DESI2: variants seen among roughly 807,000 people sequenced by gnomAD.
DESI2 encodes desumoylating isopeptidase 2.
A neutral mutation model predicts 24.1 loss-of-function variants in DESI2; 10 were observed. The observed-to-expected ratio is 0.41, with a 90% CI of 0.26 to 0.70. The LOEUF (loss-of-function observed/expected upper bound fraction) is 0.70, where lower values mean the gene tolerates loss of function less well. Among genes scored for constraint, DESI2 ranks in the 30% least tolerant of loss-of-function variants. The pLI is 0.29. For missense variants in DESI2, 122 were observed against 234.9 expected (o/e 0.52, Z 3.14); for synonymous variants, 71 against 87.7 (o/e 0.81, Z 1.06).
chr1:244,653,579 G>T, intron 1 of DESI2: 1 of 522,298 alleles, frequency 1.9e-6, no homozygotes, highest in Non-Finnish European at 3.2e-6. Context: ...GCCAAAGCTC[G>T]GGTGGGCTTG....
rs1677728137 is a variant in DESI2 at position 244,706,891 on chromosome 1, G to A, written c.*1102G>A. 1 of 152,586 alleles carries A rather than the reference G, an allele frequency of 6.6e-6. No homozygotes were observed. Among genetic ancestry groups the A allele is most frequent in the South Asian group, 2.1e-4 (1 of 4,828 alleles). The allele number at this position is 152,586 out of a possible 1,614,324, so 9.5% of individuals were successfully genotyped here. On this transcript the variant is annotated 3_prime_UTR_variant, in exon 5 of 5. Transcript: ENST00000302550. ...GACCAATCGTTAAAAAATCATATTTGTGTGTCTTAAGATTCATATTTATAT... is the reference window on the plus strand; with the variant it reads ...GACCAATCGTTAAAAAATCATATTTATGTGTCTTAAGATTCATATTTATAT...
At chr1:244,669,901 T>G (rs982986995) in intron 1 of DESI2, among the ~76,000 whole-genome samples, 8 of 152,168 alleles carry the variant, frequency 5.3e-5, no homozygotes, top group African/African-American at 1.9e-4. Flanking sequence ...CCTTTAAAAC[T>G]ACTGTCTTAC....
intron 1 of DESI2, among the ~76,000 whole-genome samples, chr1:244,660,350 T>G (rs1675798100): frequency 6.6e-6 from 1 of 152,136 alleles, no homozygotes; most frequent in Non-Finnish European, 1.5e-5. Context: ...GTATTTTTAG[T>G]AGAGGCAGGG....
chr1:244,708,345 T>G lies in DESI2; in HGVS notation c.*2556T>G, dbSNP rs575026391. On this transcript the variant is annotated 3_prime_UTR_variant, in exon 5 of 5. Transcript: ENST00000302550. ...AAACCCTTACAAGGGGAGCATCAGC[T>G]TTGGAAAGTGTGACTCTGTAGGAGT... is the stretch of plus-strand genomic sequence containing the variant. 2 of 152,702 alleles carry G rather than the reference T, an allele frequency of 1.3e-5. No homozygotes were observed. Among genetic ancestry groups the G allele is most frequent in the African/African-American group, 4.8e-5 (2 of 41,554 alleles). 9.5% of individuals were successfully genotyped at this position (152,702 alleles called of 1,614,324 possible). A position where few individuals can be genotyped will look rare whatever the true frequency, so the allele number is the denominator to read the frequency against.
chr1:244,653,732 C>T, intron 1 of DESI2: 1 of 360,446 alleles, frequency 2.8e-6, no homozygotes. Flanking sequence ...GGACCCCCGT[C>T]CCGACCGCCT....
intron 1 of DESI2, among the ~76,000 whole-genome samples, chr1:244,681,878 T>A (rs963784326): frequency 2.0e-5 from 3 of 152,238 alleles, no homozygotes; most frequent in African/African-American, 7.2e-5. Flanking sequence ...AATTGGTTCC[T>A]TCCGGTGGGT....
chr1:244,704,315 C>T (rs886187005), intron 4 of DESI2, among the ~76,000 whole-genome samples: 1 of 152,056 alleles, frequency 6.6e-6, no homozygotes, highest in African/African-American at 2.4e-5. Flanking sequence ...TAATTGGAGG[C>T]AAAAACAACA....
chr1:244,700,150 C>T (rs185322244), intron 4 of DESI2, among the ~76,000 whole-genome samples: 60 of 152,304 alleles, frequency 3.9e-4, no homozygotes, highest in African/African-American at 1.3e-3. Context: ...CATACCCTTT[C>T]GCTGTGGTAA....
intron 1 of DESI2, among the ~76,000 whole-genome samples, chr1:244,674,078 T>C (rs1236336364): frequency 7.1e-6 from 1 of 140,860 alleles, no homozygotes; most frequent in African/African-American, 2.6e-5. Flanking sequence ...CATTACAACC[T>C]CCGCCTCCCA....
chr1:244,683,058 A>G lies in DESI2; in HGVS notation c.43-3539A>G, dbSNP rs567749770. 3.2e-4 allele frequency among the ~76,000 whole-genome samples: 49 copies of G among 152,250 alleles called. 1 individual carries two copies. The highest frequency in any genetic ancestry group is 3.4e-3 in the Middle Eastern group (1 of 294). The stretch of plus-strand genomic sequence containing the variant: ...GAGGGTCAGTGGATGGAAAATTTCT[A>G]AGAGGAAACATTAGGGATCCAGGGG... On this transcript the variant is annotated intron_variant, in intron 1 of 4. Transcript: ENST00000302550.
At chr1:244,654,110 C>T in intron 1 of DESI2, 3 of 444,080 alleles carry the variant, frequency 6.8e-6, no homozygotes, top group Non-Finnish European at 1.4e-5. Flanking sequence ...ATGGCAAGCA[C>T]GCAGAATCGA....
intron 1 of DESI2, among the ~76,000 whole-genome samples, chr1:244,676,276 C>T (rs1573198894): frequency 6.6e-6 from 1 of 152,110 alleles, no homozygotes; most frequent in African/African-American, 2.4e-5. Flanking sequence ...CAGGGTTTCA[C>T]CGTGCTAGCC....
intron 1 of DESI2, among the ~76,000 whole-genome samples, chr1:244,681,745 G>C (rs1400131857): frequency 1.3e-5 from 2 of 152,214 alleles, no homozygotes; most frequent in African/African-American, 4.8e-5. Flanking sequence ...AGGGTATATA[G>C]ACAGAATACT....
Position 244,695,681 on chromosome 1 carries a change from A to G in DESI2, c.351+3661A>G, listed in dbSNP as rs75113962. 8.2e-3 allele frequency among the ~76,000 whole-genome samples: 1,251 copies of G among 152,330 alleles called. 15 individuals are homozygous for G. Among genetic ancestry groups the G allele is most frequent in the Middle Eastern group, 0.031 (9 of 294 alleles). On this transcript the variant is annotated intron_variant, in intron 4 of 4. Coordinates refer to ENST00000302550, the MANE Select transcript of DESI2 (RefSeq NM_016076.5). ...AAAAATAAGTAAAATTACTATTTTC[A>G]GTAGAAAATTCAAAACATATAAAAG...
At position 244,683,525 on chromosome 1, in the gene DESI2, G is replaced by T. The variant is rs561245304; in HGVS notation, c.43-3072G>T. On this transcript the variant is annotated intron_variant, in intron 1 of 4. Transcript: ENST00000302550. Reference sequence around the variant, plus strand: ...ACAGGGTTTCACCATGTTAGCCAGGGTGGTCTTGATCTCCTGACCTTGTGA... The same window carrying T: ...ACAGGGTTTCACCATGTTAGCCAGGTTGGTCTTGATCTCCTGACCTTGTGA... 2.6e-5 allele frequency among the ~76,000 whole-genome samples: 4 copies of T among 151,924 alleles called. No homozygotes were observed. In the East Asian group the frequency reaches 7.7e-4, roughly 29 times the overall value.
intron 4 of DESI2, among the ~76,000 whole-genome samples, chr1:244,701,030 A>G (rs990692642): frequency 3.3e-5 from 5 of 152,204 alleles, no homozygotes; most frequent in African/African-American, 1.2e-4. Flanking sequence ...CTTGTTGCTT[A>G]TAGTAAAATG....
At chr1:244,688,383 T>C (rs1359556465) in intron 2 of DESI2, among the ~76,000 whole-genome samples, 1 of 152,182 alleles carries the variant, frequency 6.6e-6, no homozygotes, top group Non-Finnish European at 1.5e-5. Flanking sequence ...CATCATTGCT[T>C]TTTTTGAACA....
At chr1:244,660,965 T>C (rs1329688750) in intron 1 of DESI2, among the ~76,000 whole-genome samples, 1 of 152,238 alleles carries the variant, frequency 6.6e-6, no homozygotes, top group East Asian at 1.9e-4. Flanking sequence ...CATTTCCTTT[T>C]CTAGGAGTAC....
intron 1 of DESI2, among the ~76,000 whole-genome samples, chr1:244,664,076 A>G (rs1296270326): frequency 1.3e-5 from 2 of 151,906 alleles, no homozygotes; most frequent in African/African-American, 4.8e-5. Context: ...GGGTGGTTAC[A>G]CTAAAAGGAA....
Sources: allele counts gnomAD v4.1 joint callset (sites outside exome capture counted in the v4.1 genomes callset), GRCh38; gene constraint gnomAD v4.1.1; transcripts MANE v1.5; gene names NCBI Gene and HGNC (gene_info 2026-07-23, HGNC 2026-07-21).